Variants in SYT1 observed in about 807,000 individuals in gnomAD.
SYT1 encodes the protein synaptotagmin 1.
In SYT1, 8 loss-of-function variants were observed where a neutral mutation model predicts 44.8. The ratio of observed to expected loss-of-function variants is 0.18; its 90% confidence interval spans 0.10 to 0.32. SYT1 has a LOEUF of 0.32. Ranked by LOEUF, SYT1 falls within the 10% of genes least tolerant of loss-of-function variation. The pLI is 1.00. For synonymous variants in SYT1, 154 were observed against 188.8 expected, an observed-to-expected ratio of 0.82 and a Z score of 1.51; for missense variants, 286 against 509.3, an observed-to-expected ratio of 0.56 and a Z score of 4.22.
At chr12:79,209,268 T>C (rs1024472141) in intron 3 of SYT1, among the ~76,000 whole-genome samples, 1 of 152,218 alleles carries the variant, frequency 6.6e-6, no homozygotes, top group South Asian at 2.1e-4. Context: ...AGGCTTTACT[T>C]AACTGCCTAA....
At chr12:78,875,560 T>C (rs1874023305) in intron 1 of SYT1, among the ~76,000 whole-genome samples, 1 of 151,680 alleles carries the variant, frequency 6.6e-6, no homozygotes, top group Admixed American at 6.6e-5. Context: ...CAGTTTGGTC[T>C]ATTTAGGTAT....
At chr12:79,052,482 C>T (rs779686285) in intron 3 of SYT1, among the ~76,000 whole-genome samples, 94 of 152,182 alleles carry the variant, frequency 6.2e-4, no homozygotes, top group Non-Finnish European at 1.2e-3. Context: ...AAAGCAATGG[C>T]AACAAAAGCC....
At chr12:79,081,227 C>T (rs549585981) in intron 3 of SYT1, among the ~76,000 whole-genome samples, 2 of 152,300 alleles carry the variant, frequency 1.3e-5, no homozygotes, top group South Asian at 2.1e-4. Flanking sequence ...GCTTACTACT[C>T]AGCCCCCTTG....
chr12:79,306,045 G>A (rs1880379496), intron 8 of SYT1, among the ~76,000 whole-genome samples: 1 of 152,070 alleles, frequency 6.6e-6, no homozygotes, highest in Non-Finnish European at 1.5e-5. Context: ...AGGTCTGTCT[G>A]GCTCCCAAAC....
chr12:79,426,758 A>T (rs1055026223), intron 9 of SYT1, among the ~76,000 whole-genome samples: 1 of 152,226 alleles, frequency 6.6e-6, no homozygotes, highest in African/African-American at 2.4e-5. Flanking sequence ...TAATTAATGT[A>T]AATATATTAT....
intron 3 of SYT1, among the ~76,000 whole-genome samples, chr12:79,143,563 G>T (rs1355439133): frequency 1.3e-5 from 2 of 152,186 alleles, no homozygotes; most frequent in African/African-American, 4.8e-5. Flanking sequence ...AGAAAATGTT[G>T]ACACTGCTGC....
intron 4 of SYT1, among the ~76,000 whole-genome samples, chr12:79,231,089 T>C (rs1217796335): frequency 6.6e-6 from 1 of 152,192 alleles, no homozygotes; most frequent in African/African-American, 2.4e-5. Context: ...CTCATGACTA[T>C]GTAGATCTCT....
intron 1 of SYT1, among the ~76,000 whole-genome samples, chr12:78,913,453 T>A (rs7959005): frequency 6.6e-6 from 1 of 151,288 alleles, no homozygotes; most frequent in South Asian, 2.1e-4. Flanking sequence ...CTTTATATAT[T>A]TTTTCTCTAG....
intron 3 of SYT1, among the ~76,000 whole-genome samples, chr12:79,180,463 G>A (rs1872457188): frequency 1.1e-5 from 1 of 88,434 alleles, no homozygotes; most frequent in Non-Finnish European, 2.3e-5. Flanking sequence ...ATCTGAGACT[G>A]GTAATTTATT....
chr12:79,185,509 A>G (rs1872753920), intron 3 of SYT1, among the ~76,000 whole-genome samples: 1 of 152,050 alleles, frequency 6.6e-6, no homozygotes, highest in Admixed American at 6.6e-5. Flanking sequence ...ATCTTGTTAT[A>G]TAAGTTTGCA....
chr12:78,920,672 G>T (rs941577500), intron 1 of SYT1, among the ~76,000 whole-genome samples: 1 of 151,948 alleles, frequency 6.6e-6, no homozygotes, highest in Non-Finnish European at 1.5e-5. Flanking sequence ...GGTATATAAA[G>T]TAAGTCTCAA....
intron 3 of SYT1, among the ~76,000 whole-genome samples, chr12:79,157,910 C>T (rs1870699421): frequency 6.6e-6 from 1 of 152,046 alleles, no homozygotes; most frequent in African/African-American, 2.4e-5. Flanking sequence ...TTATTAATAC[C>T]TCTGAAACTA....
chr12:79,337,103 A>G (rs1257290386), intron 8 of SYT1, among the ~76,000 whole-genome samples: 1 of 151,984 alleles, frequency 6.6e-6, no homozygotes, highest in Non-Finnish European at 1.5e-5. Context: ...CTTGGCTCAC[A>G]GATAGATTGT....
Position 79,057,011 on chromosome 12 carries a change from A to G in SYT1, c.-18+9649A>G, listed in dbSNP as rs550883765. Among the ~76,000 whole-genome samples the G allele has an allele frequency of 1.1e-4, 16 of 152,134 alleles. No homozygotes were observed. The South Asian group carries it at 1.5e-3, about 14-fold the overall frequency. Reference sequence around the variant, plus strand: ...AATCCTAACACCACTTCTCCTTTCAATGTAAAATCTTGTTATGCCTCTAAA... The same window carrying G: ...AATCCTAACACCACTTCTCCTTTCAGTGTAAAATCTTGTTATGCCTCTAAA... On this transcript the variant is annotated intron_variant, in intron 3 of 10. Transcript: ENST00000261205.
At chr12:79,418,473 C>A (rs1868895223) in intron 9 of SYT1, among the ~76,000 whole-genome samples, 1 of 152,048 alleles carries the variant, frequency 6.6e-6, no homozygotes, top group Non-Finnish European at 1.5e-5. Context: ...AAGAGGCTGG[C>A]CAAGAGTTTG....
intron 8 of SYT1, among the ~76,000 whole-genome samples, chr12:79,323,002 T>A (rs562656576): frequency 2.6e-5 from 4 of 152,184 alleles, no homozygotes; most frequent in Admixed American, 2.0e-4. Flanking sequence ...GACAAGGTGA[T>A]CTCCCGTGGG....
chr12:78,993,477 T>G (rs947088600), intron 2 of SYT1, among the ~76,000 whole-genome samples: 1 of 152,198 alleles, frequency 6.6e-6, no homozygotes, highest in African/African-American at 2.4e-5. Flanking sequence ...GTTTTACATG[T>G]TGCTTACTGG....
chr12:79,400,998 T>C (rs1885047349), intron 9 of SYT1, among the ~76,000 whole-genome samples: 1 of 152,248 alleles, frequency 6.6e-6, no homozygotes, highest in African/African-American at 2.4e-5. Flanking sequence ...ATTGGCTCTA[T>C]TGAACAATAT....
intron 4 of SYT1, among the ~76,000 whole-genome samples, chr12:79,272,664 C>T (rs1256581933): frequency 6.6e-6 from 1 of 151,944 alleles, no homozygotes; most frequent in African/African-American, 2.4e-5. Flanking sequence ...AGTAACTGAA[C>T]GAGTAGTGAG....
Sources: allele counts gnomAD v4.1 joint callset (sites outside exome capture counted in the v4.1 genomes callset), GRCh38; gene constraint gnomAD v4.1.1; transcripts MANE v1.5; gene names NCBI Gene and HGNC (gene_info 2026-07-23, HGNC 2026-07-21).